CSMD1: variants seen among roughly 807,000 people sequenced by gnomAD.
CSMD1 encodes CUB and sushi domain-containing protein 1.
CSMD1 carries 213 observed loss-of-function variants against 417.5 expected under a neutral mutation model. The observed-to-expected ratio is 0.51, with a 90% CI of 0.46 to 0.57. The LOEUF is 0.57. Ranked by LOEUF, CSMD1 falls within the 20% of genes least tolerant of loss-of-function variation. CSMD1 has a pLI of 0.00. For missense variants in CSMD1, 6,923 were observed against 4,529.7 expected, an observed-to-expected ratio of 1.53 and a Z score of -15.17; for synonymous variants, 2,862 against 1,736.8, an observed-to-expected ratio of 1.65 and a Z score of -16.11.
At chr8:3,970,730 G>C (rs949388661) in intron 5 of CSMD1, among the ~76,000 whole-genome samples, 1 of 152,056 alleles carries the variant, frequency 6.6e-6, no homozygotes, top group African/African-American at 2.4e-5. Context: ...TGCTTAACAG[G>C]TGGCATGGCA....
Position 3,894,168 on chromosome 8 carries a change from T to C in CSMD1, c.818+103735A>G, listed in dbSNP as rs557166010. 5.9e-5 allele frequency among the ~76,000 whole-genome samples: 9 copies of C among 152,326 alleles called. No homozygotes were observed. In the South Asian group the frequency reaches 1.7e-3, roughly 28 times the overall value. ...TGCAAAAACTACTCTATGCTACACT[T>C]CTTTTGCTGTGTGTCTTTTGTTTGA... On this transcript the variant is annotated intron_variant, in intron 5 of 69. Transcript: ENST00000635120.
intron 3 of CSMD1, among the ~76,000 whole-genome samples, chr8:4,193,178 C>T (rs1163101087): frequency 1.3e-5 from 2 of 152,198 alleles, no homozygotes; most frequent in African/African-American, 4.8e-5. Context: ...CATTTAACCT[C>T]AGCTCTTTGG....
At chr8:3,616,357 C>G (rs909743470) in intron 8 of CSMD1, among the ~76,000 whole-genome samples, 2 of 152,120 alleles carry the variant, frequency 1.3e-5, no homozygotes, top group Non-Finnish European at 2.9e-5. Flanking sequence ...CTTCCTGTCA[C>G]CATATGAAGA....
chr8:4,357,354 C>T (rs535214694), intron 3 of CSMD1, among the ~76,000 whole-genome samples: 4 of 152,112 alleles, frequency 2.6e-5, no homozygotes, highest in East Asian at 1.9e-4. Context: ...ACAACAGGAT[C>T]GTAGAGCTGA....
chr8:4,420,802 G>A (rs1797208098), intron 2 of CSMD1, among the ~76,000 whole-genome samples: 1 of 152,128 alleles, frequency 6.6e-6, no homozygotes, highest in East Asian at 1.9e-4. Flanking sequence ...TAAGAATGCT[G>A]AGAATACCCA....
chr8:3,753,871 A>T (rs1225657131), intron 6 of CSMD1, 59 bp downstream of exon 6: 2 of 1,216,284 alleles, frequency 1.6e-6, no homozygotes, highest in East Asian at 2.4e-5. Flanking sequence ...ATGGCTAGAA[A>T]GGATCAAAAT....
chr8:3,123,570 C>T (rs1466492802), intron 41 of CSMD1, among the ~76,000 whole-genome samples: 2 of 151,908 alleles, frequency 1.3e-5, no homozygotes, highest in Non-Finnish European at 2.9e-5. Flanking sequence ...AAAAATGAGT[C>T]CTACTGTACA....
intron 11 of CSMD1, among the ~76,000 whole-genome samples, chr8:3,479,678 C>A (rs879076156): frequency 2.0e-5 from 3 of 152,092 alleles, no homozygotes; most frequent in Admixed American, 1.3e-4. Context: ...TAGTACCTAG[C>A]AATACCTAAC....
At chr8:4,351,707 G>C (rs1801103244) in intron 3 of CSMD1, among the ~76,000 whole-genome samples, 1 of 152,166 alleles carries the variant, frequency 6.6e-6, no homozygotes, top group South Asian at 2.1e-4. Context: ...GGAGGAATTA[G>C]CCAGACATGG....
intron 3 of CSMD1, among the ~76,000 whole-genome samples, chr8:4,227,138 AG>A (rs2128811515): frequency 6.6e-6 from 1 of 152,268 alleles, no homozygotes; most frequent in South Asian, 2.1e-4. Flanking sequence ...AGGGTTTTTT[AG>A]CCCAGAAAGC....
At chr8:3,394,197 A>G (rs1349405923) in intron 17 of CSMD1, among the ~76,000 whole-genome samples, 1 of 146,920 alleles carries the variant, frequency 6.8e-6, no homozygotes, top group Non-Finnish European at 1.5e-5. Flanking sequence ...TCATTCTTTT[A>G]AGATTATAAA....
chr8:4,885,977 AT>A, intron 1 of CSMD1, among the ~76,000 whole-genome samples: 1 of 121,998 alleles, frequency 8.2e-6, no homozygotes. Flanking sequence ...GATCCTTTTT[AT>A]TTACTTATTT....
chr8:4,913,344 C>G (rs184733998), intron 1 of CSMD1, among the ~76,000 whole-genome samples: 85 of 152,340 alleles, frequency 5.6e-4, no homozygotes, highest in African/African-American at 2.0e-3. Context: ...AGCCTCACCT[C>G]TGTCCCTTAA....
chr8:3,288,312 C>G (rs904143687), intron 25 of CSMD1, among the ~76,000 whole-genome samples: 1 of 146,998 alleles, frequency 6.8e-6, no homozygotes, highest in South Asian at 2.1e-4. Flanking sequence ...ATGATGTTGG[C>G]CTCATAAAAC....
chr8:2,988,413 G>A (rs548894596), intron 54 of CSMD1, among the ~76,000 whole-genome samples: 21 of 152,214 alleles, frequency 1.4e-4, no homozygotes, highest in Admixed American at 3.3e-4. Context: ...GACAAAGCAG[G>A]GAAACAGTAT....
chr8:3,495,121 T>A (rs530844331), intron 10 of CSMD1, among the ~76,000 whole-genome samples: 1 of 152,232 alleles, frequency 6.6e-6, no homozygotes, highest in Non-Finnish European at 1.5e-5. Context: ...GCAATCTCAT[T>A]TGAAATAGGT....
chr8:4,128,867 T>C (rs1427336975), intron 3 of CSMD1, among the ~76,000 whole-genome samples: 4 of 152,086 alleles, frequency 2.6e-5, no homozygotes, highest in African/African-American at 7.2e-5. Flanking sequence ...GCTCTGTGCA[T>C]GCGCTGTATC....
intron 2 of CSMD1, among the ~76,000 whole-genome samples, chr8:4,438,620 T>C (rs931442883): frequency 3.3e-5 from 5 of 152,194 alleles, no homozygotes; most frequent in African/African-American, 9.6e-5. Context: ...CCTATTATTT[T>C]ATACCTACAT....
intron 3 of CSMD1, among the ~76,000 whole-genome samples, chr8:4,249,774 G>A (rs1403788137): frequency 6.6e-6 from 1 of 152,046 alleles, no homozygotes; most frequent in East Asian, 1.9e-4. Flanking sequence ...AATTAATGGG[G>A]CACTTGGGGA....
Sources: allele counts gnomAD v4.1 joint callset (sites outside exome capture counted in the v4.1 genomes callset), GRCh38; gene constraint gnomAD v4.1.1; transcripts MANE v1.5; gene names NCBI Gene and HGNC (gene_info 2026-07-23, HGNC 2026-07-21).